Variants in CRB1 observed in about 807,000 individuals in gnomAD.
CRB1 encodes the protein protein crumbs homolog 1.
CRB1 carries 83 observed loss-of-function variants against 120.0 expected under a neutral mutation model. The ratio of observed to expected loss-of-function variants is 0.69; its 90% CI spans 0.58 to 0.83. The LOEUF (loss-of-function observed/expected upper bound fraction) is 0.83, where lower values mean the gene tolerates loss of function less well. Among genes scored for constraint, CRB1 ranks in the 40% least tolerant of loss-of-function variants. The pLI, the probability that CRB1 is intolerant of heterozygous loss-of-function variation, is 0.00. For synonymous variants in CRB1, 625 were observed against 612.5 expected (o/e 1.02, Z -0.30); for missense variants, 1,699 against 1,687.6 (o/e 1.01, Z -0.12).
At chr1:197,260,333 T>G in the CRB1 span, among the ~76,000 whole-genome samples, 13 of 152,252 alleles carry the variant, frequency 8.5e-5, no homozygotes, top group Admixed American at 6.5e-4. Flanking sequence ...CATCTGGAAA[T>G]AAAGTTAAAT....
chr1:197,385,922 G>A (rs771961116), intron 5 of CRB1, among the ~76,000 whole-genome samples: 20 of 152,072 alleles, frequency 1.3e-4, no homozygotes, highest in Non-Finnish European at 2.6e-4. Context: ...GCTTGAAATT[G>A]TAATTGAGTT....
At chr1:197,377,542 G>C (rs1661713361) in intron 5 of CRB1, among the ~76,000 whole-genome samples, 1 of 152,166 alleles carries the variant, frequency 6.6e-6, no homozygotes, top group South Asian at 2.1e-4. Context: ...ATGAGCCTCA[G>C]AATTCTTGCT....
chr1:197,458,747 A>G (rs1213102814), intron 11 of CRB1, among the ~76,000 whole-genome samples: 1 of 152,200 alleles, frequency 6.6e-6, no homozygotes, highest in East Asian at 1.9e-4. Flanking sequence ...GAAGAAGGAG[A>G]GCAGGGAATC....
At position 197,429,388 on chromosome 1, in the gene CRB1, G is replaced by A. The variant is rs972425216; in HGVS notation, c.2677-61G>A. On this transcript the variant is annotated intron_variant, in intron 7 of 11. Coordinates refer to ENST00000367400, the MANE Select transcript of CRB1 (RefSeq NM_201253.3). ...AAAAAAACAGATATGTGGTTTCACCGTCAACATTTTTCTATTTAGTTGCCA... is the reference window on the plus strand; with the variant it reads ...AAAAAAACAGATATGTGGTTTCACCATCAACATTTTTCTATTTAGTTGCCA... 109 of 1,575,504 alleles carry A rather than the reference G, an allele frequency of 6.9e-5. 1 individual carries two copies. The highest frequency in any genetic ancestry group is 7.9e-5 in the Non-Finnish European group (91 of 1,145,388).
intron 9 of CRB1, among the ~76,000 whole-genome samples, chr1:197,435,909 G>A (rs568406043): frequency 1.7e-4 from 26 of 152,170 alleles, no homozygotes; most frequent in African/African-American, 5.5e-4. Flanking sequence ...TCAAGGCCTC[G>A]GGAAACAAAT....
Position 197,352,890 on chromosome 1 carries a change from C to T in CRB1, c.989-3941C>T, listed in dbSNP as rs138085653. ...AAACACATTACAATCTCATTATTTG[C>T]TTATTAATAGTCAATTCCCTGGTTT... On this transcript the variant is annotated intron_variant, in intron 4 of 11. Transcript: ENST00000367400. Among the ~76,000 whole-genome samples the T allele has an allele frequency of 3.4e-4, 51 of 152,162 alleles. No homozygotes were observed. In the East Asian group the frequency reaches 4.1e-3, roughly 12 times the overall value.
chr1:197,212,884 T>A, the CRB1 span, among the ~76,000 whole-genome samples: 1 of 152,018 alleles, frequency 6.6e-6, no homozygotes, highest in Non-Finnish European at 1.5e-5. Flanking sequence ...AAAGATAAAA[T>A]TTCTAGTCCA....
chr1:197,322,855 T>G lies in CRB1; in HGVS notation c.71-5567T>G, dbSNP rs576209459. ...TTCTTTTTATGACTCTGTCTTCCTT[T>G]TCATTTGGATTTTTTTCAAATAAAT... On this transcript the variant is annotated intron_variant, in intron 1 of 11. Transcript: ENST00000367400. Among the ~76,000 whole-genome samples, 11 of 152,294 alleles carry G rather than the reference T, an allele frequency of 7.2e-5. No individual in the cohort carries two copies. In the South Asian group the frequency reaches 2.3e-3, roughly 32 times the overall value.
At chr1:197,297,563 G>A (rs1656605625) in intron 1 of CRB1, among the ~76,000 whole-genome samples, 1 of 152,060 alleles carries the variant, frequency 6.6e-6, no homozygotes, top group Non-Finnish European at 1.5e-5. Context: ...GAGTTAGAAT[G>A]GAGATGTCAG....
At chr1:197,368,486 G>C (rs987941095) in intron 5 of CRB1, among the ~76,000 whole-genome samples, 59 of 152,112 alleles carry the variant, frequency 3.9e-4, no homozygotes, top group African/African-American at 1.3e-3. Flanking sequence ...AACTAGGACA[G>C]GTATACCACG....
chr1:197,243,763 G>A, the CRB1 span, among the ~76,000 whole-genome samples: 1 of 152,128 alleles, frequency 6.6e-6, no homozygotes, highest in African/African-American at 2.4e-5. Flanking sequence ...GTCTAATATT[G>A]ACAGTGGGTT....
At chr1:197,427,349 A>ATG (rs553788116) in intron 6 of CRB1, 105 bp from the exon 7 acceptor site, 6 of 845,336 alleles carry the variant, frequency 7.1e-6, no homozygotes, top group Admixed American at 1.9e-5. Flanking sequence ...GCTTGTGTGC[A>ATG]TGTGTGTGTG....
rs905748071 is a variant in CRB1, at chr1:197,445,824, A to G, written c.4005+3532A>G. ...GTATGTCTACTATTTGCCATACTGT[A>G]TACTAGGTCCTGGGAATAGAACTAT... On this transcript the variant is annotated intron_variant, in intron 11 of 11. Transcript: ENST00000367400. Among the ~76,000 whole-genome samples the G allele has an allele frequency of 3.3e-5, 5 of 152,308 alleles. No individual in the cohort carries two copies. The South Asian group carries it at 6.2e-4, about 19-fold the overall frequency.
chr1:197,243,348 G>A, the CRB1 span, among the ~76,000 whole-genome samples: 1 of 151,982 alleles, frequency 6.6e-6, no homozygotes. Context: ...CACTACTTTA[G>A]CATTGTCCCA....
At chr1:197,415,917 C>A (rs544891776) in intron 5 of CRB1, among the ~76,000 whole-genome samples, 2 of 152,240 alleles carry the variant, frequency 1.3e-5, no homozygotes, top group Admixed American at 1.3e-4. Context: ...TCTGGCATTA[C>A]AAGCATGAGC....
intron 7 of CRB1, 116 bp downstream of exon 7, chr1:197,428,117 G>C: frequency 1.1e-6 from 1 of 884,728 alleles, no homozygotes; most frequent in East Asian, 2.6e-5. Flanking sequence ...TGACCCACCA[G>C]TATAGAATAA....
intron 11 of CRB1, among the ~76,000 whole-genome samples, chr1:197,451,423 T>TG (rs1387622544): frequency 4.6e-5 from 7 of 152,242 alleles, no homozygotes; most frequent in African/African-American, 1.7e-4. Flanking sequence ...GGACTGGGAA[T>TG]GATTCATCTA....
intron 4 of CRB1, among the ~76,000 whole-genome samples, chr1:197,355,538 C>T (rs1660424587): frequency 6.6e-6 from 1 of 152,184 alleles, no homozygotes; most frequent in Non-Finnish European, 1.5e-5. Context: ...CGAGCCCTGT[C>T]CTGAGGGGAG....
chr1:197,320,652 G>A (rs1471606747), intron 1 of CRB1, among the ~76,000 whole-genome samples: 2 of 152,190 alleles, frequency 1.3e-5, no homozygotes, highest in South Asian at 4.1e-4. Flanking sequence ...GTTAAACAGA[G>A]GAAGATGGGG....
Sources: allele counts gnomAD v4.1 joint callset (sites outside exome capture counted in the v4.1 genomes callset), GRCh38; gene constraint gnomAD v4.1.1; transcripts MANE v1.5; gene names NCBI Gene and HGNC (gene_info 2026-07-23, HGNC 2026-07-21).